The following HERC4 variants were observed in gnomAD, a reference collection of about 807,000 sequenced individuals.
HERC4 encodes the protein HECT and RLD domain containing E3 ubiquitin protein ligase 4, also known as probable E3 ubiquitin-protein ligase HERC4.
In HERC4, 28 loss-of-function variants were observed where a neutral mutation model predicts 124.3. The observed-to-expected ratio is 0.23, with a 90% confidence interval of 0.17 to 0.31. HERC4 has a LOEUF of 0.31. Among genes scored for constraint, HERC4 ranks in the 10% least tolerant of loss-of-function variants. The pLI is 1.00. For synonymous variants in HERC4, 407 were observed against 421.5 expected (o/e 0.97, Z 0.42); for missense variants, 713 against 1,229.3 (o/e 0.58, Z 6.28).
intron 22 of HERC4, 35 bp from the exon 23 acceptor site, chr10:67,932,815 A>C: frequency 2.0e-6 from 3 of 1,531,742 alleles, no homozygotes; most frequent in Non-Finnish European, 2.6e-6. Context: ...ACAGATTATA[A>C]AAATCATGTA....
chr10:67,982,131 A>G (rs1310779963), intron 15 of HERC4, among the ~76,000 whole-genome samples: 1 of 152,200 alleles, frequency 6.6e-6, no homozygotes, highest in East Asian at 1.9e-4. Context: ...TTTACACAGA[A>G]CCACAAAAGA....
At chr10:67,943,788 A>T (rs1286129796) in intron 19 of HERC4, among the ~76,000 whole-genome samples, 3 of 152,354 alleles carry the variant, frequency 2.0e-5, no homozygotes, top group South Asian at 4.1e-4. Flanking sequence ...CCTTTCTTGA[A>T]AACCCAAAGG....
chr10:68,035,563 T>C (rs929382482), intron 5 of HERC4, among the ~76,000 whole-genome samples: 3 of 152,222 alleles, frequency 2.0e-5, no homozygotes, highest in African/African-American at 7.2e-5. Context: ...AAATGCAGAT[T>C]TGATAATATT....
intron 9 of HERC4, among the ~76,000 whole-genome samples, chr10:67,999,914 T>C (rs2037124944): frequency 6.6e-6 from 1 of 152,226 alleles, no homozygotes; most frequent in South Asian, 2.1e-4. Flanking sequence ...AATAAGAATA[T>C]GTCCCCTTTC....
At position 68,006,141 on chromosome 10, in the gene HERC4, C is replaced by T. The variant is rs181656689; in HGVS notation, c.1069+7885G>A. On this transcript the variant is annotated intron_variant, in intron 9 of 24. Coordinates refer to ENST00000373700, the MANE Select transcript of HERC4 (RefSeq NM_015601.4). ...TCTTATTATATTGTATATGTCTTTA[C>T]AAGTTGCTGTAGTTATTATTATCTT... Among the ~76,000 whole-genome samples, 1,042 of 152,200 alleles carry T rather than the reference C, an allele frequency of 6.8e-3. 7 individuals are homozygous for T. Among genetic ancestry groups the T allele is most frequent in the Non-Finnish European group, 0.01 (694 of 68,012 alleles).
At chr10:67,928,909 A>G (rs371954165) in intron 23 of HERC4, among the ~76,000 whole-genome samples, 7 of 152,080 alleles carry the variant, frequency 4.6e-5, no homozygotes, top group African/African-American at 1.7e-4. Flanking sequence ...CGACAGAGCA[A>G]GACTCCATCT....
chr10:67,969,465 GA>G (rs1365630451), intron 15 of HERC4, among the ~76,000 whole-genome samples: 4 of 152,172 alleles, frequency 2.6e-5, no homozygotes, highest in East Asian at 1.9e-4. Context: ...AAACAAGGCA[GA>G]GGGGGGGAAA....
chr10:67,974,058 A>AAC (rs1390025368), intron 15 of HERC4, among the ~76,000 whole-genome samples: 3 of 143,608 alleles, frequency 2.1e-5, no homozygotes, highest in Admixed American at 7.3e-5. Context: ...AAAAAAAAAA[A>AAC]AAAAAAAATT....
In HERC4 at chr10:67,992,338, A is replaced by C; in HGVS notation, c.1147-15T>G. 6.2e-7 allele frequency: 1 copy of C among 1,612,264 alleles called. No homozygotes were observed. On this transcript the variant is annotated splice_polypyrimidine_tract_variant and intron_variant, in intron 10 of 24. Coordinates refer to ENST00000373700, the MANE Select transcript of HERC4 (RefSeq NM_015601.4). ...GGCCCACAGTTCTAAATTTTCAAATAAGATTAGTCAGAGGGAAGAGATATT... is the reference window on the plus strand; with the variant it reads ...GGCCCACAGTTCTAAATTTTCAAATCAGATTAGTCAGAGGGAAGAGATATT...
chr10:68,008,334 T>G (rs771566868), intron 9 of HERC4, among the ~76,000 whole-genome samples: 1 of 152,224 alleles, frequency 6.6e-6, no homozygotes, highest in Non-Finnish European at 1.5e-5. Flanking sequence ...CAAGGGCTCT[T>G]TAGTCAGCAA....
chr10:67,927,416 ATATATATATATATATT>A (rs2031194201), intron 23 of HERC4, among the ~76,000 whole-genome samples: 2 of 8,962 alleles, frequency 2.2e-4, no homozygotes, highest in African/African-American at 4.4e-4. Flanking sequence ...ATATATATAT[ATATATATATATATATT>A]TTTTTTTTTT....
At chr10:68,070,798 A>AC (rs148901885) in intron 3 of HERC4, among the ~76,000 whole-genome samples, 20,623 of 149,380 alleles carry the variant, frequency 0.14, 1,865 homozygotes, top group Middle Eastern at 0.22. Flanking sequence ...CAGGATCAGG[A>AC]CCCCCCCCTT....
intron 8 of HERC4, among the ~76,000 whole-genome samples, chr10:68,021,901 C>T (rs1292426088): frequency 6.6e-6 from 1 of 152,048 alleles, no homozygotes; most frequent in Admixed American, 6.5e-5. Context: ...GTAGAACACA[C>T]TAAAGATTCC....
At chr10:68,004,903 G>A (rs1589296911) in intron 9 of HERC4, among the ~76,000 whole-genome samples, 1 of 152,196 alleles carries the variant, frequency 6.6e-6, no homozygotes, top group South Asian at 2.1e-4. Flanking sequence ...TGGGGATTAT[G>A]AGGATTACGA....
At chr10:67,925,767 G>C (rs954528727) in intron 23 of HERC4, among the ~76,000 whole-genome samples, 3 of 152,028 alleles carry the variant, frequency 2.0e-5, no homozygotes, top group Admixed American at 1.3e-4. Context: ...TCACTCTGGG[G>C]GAAACCAGTT....
chr10:67,941,614 T>C (rs2032897785), intron 19 of HERC4, among the ~76,000 whole-genome samples: 1 of 151,620 alleles, frequency 6.6e-6, no homozygotes, highest in Admixed American at 6.6e-5. Context: ...TAAGATTTTA[T>C]CTCATTTTCT....
chr10:68,034,543 G>A (rs2039360812), intron 5 of HERC4, among the ~76,000 whole-genome samples: 1 of 152,088 alleles, frequency 6.6e-6, no homozygotes, highest in African/African-American at 2.4e-5. Flanking sequence ...ACTCATTCAA[G>A]CTCAAACTTT....
intron 9 of HERC4, among the ~76,000 whole-genome samples, chr10:68,012,122 T>A (rs1456230474): frequency 6.6e-6 from 1 of 152,196 alleles, no homozygotes; most frequent in African/African-American, 2.4e-5. Context: ...AGAGTTAGAA[T>A]CTTGGTCTGG....
intron 9 of HERC4, among the ~76,000 whole-genome samples, chr10:67,999,071 T>C (rs2037074107): frequency 1.3e-5 from 2 of 152,168 alleles, no homozygotes; most frequent in African/African-American, 4.8e-5. Flanking sequence ...AATAAAAATA[T>C]GTCTAGGCTT....
Sources: gnomAD v4.1 joint callset for allele counts (sites outside exome capture counted in the v4.1 genomes callset) on GRCh38, gnomAD v4.1.1 for gene constraint, MANE v1.5 for transcripts, NCBI Gene and HGNC (gene_info 2026-07-23, HGNC 2026-07-21) for gene names.